Variants in PTPRU observed in about 807,000 individuals in gnomAD.
The protein encoded by PTPRU is receptor-type tyrosine-protein phosphatase U.
In PTPRU, 69 loss-of-function variants were observed where a neutral mutation model predicts 166.3. The ratio of observed to expected loss-of-function variants is 0.41; its 90% CI spans 0.34 to 0.51. The LOEUF is 0.51. PTPRU is among the 20% of genes least tolerant of loss of function. The pLI is 0.09. For missense variants in PTPRU, 1,657 were observed against 2,013.7 expected (o/e 0.82, Z 3.39); for synonymous variants, 793 against 814.0 (o/e 0.97, Z 0.44).
intron 18 of PTPRU, among the ~76,000 whole-genome samples, chr1:29,309,076 A>G (rs920044908): frequency 1.3e-5 from 2 of 152,166 alleles, no homozygotes; most frequent in Non-Finnish European, 2.9e-5. Context: ...GTCATTAGTC[A>G]CTTTGACTAT....
In PTPRU at chr1:29,311,703, C is replaced by T. The variant is rs1159361871; in HGVS notation, c.3016C>T (p.Leu1006=). The T allele has an allele frequency of 1.2e-6, 2 of 1,614,218 alleles. No individual in the cohort carries two copies. Among genetic ancestry groups the T allele is most frequent in the Non-Finnish European group, 1.7e-6 (2 of 1,180,030 alleles). The change falls in exon 21 of 30, where the codon CTG becomes TTG. Residue 1006 remains leucine (L), a synonymous_variant. Transcript: ENST00000373779. The surrounding 1 kb of genome is among the most constrained non-coding windows in gnomAD (Gnocchi z 4.1). ...CACCTACGGGGACATCAAGATTATG[C>T]TGGTGAAGACAGAGACCCTGGCTGA... ...SDTYGDIKIM[L]VKTETLAEYV...
At chr1:29,306,338 C>T (rs115709800) in intron 18 of PTPRU, among the ~76,000 whole-genome samples, 23 of 152,316 alleles carry the variant, frequency 1.5e-4, no homozygotes, top group Non-Finnish European at 1.6e-4. Flanking sequence ...CATTTAATCA[C>T]GTATGAAATA....
intron 1 of PTPRU, among the ~76,000 whole-genome samples, chr1:29,252,327 G>A (rs559555734): frequency 1.3e-5 from 2 of 151,470 alleles, no homozygotes; most frequent in African/African-American, 4.8e-5. Flanking sequence ...GAGTGCAGGG[G>A]TACCATCTCA....
chr1:29,267,853 C>CT (rs2151947998), intron 7 of PTPRU, among the ~76,000 whole-genome samples: 2 of 152,256 alleles, frequency 1.3e-5, no homozygotes, highest in South Asian at 4.1e-4. Context: ...AGGGAGGAGG[C>CT]TACTGCAATG....
Position 29,279,498 on chromosome 1 carries a change from G to T in PTPRU, c.1606G>T (p.Val536Leu), listed in dbSNP as rs201821547. 6.2e-7 allele frequency: 1 copy of T among 1,614,184 alleles called. No individual in the cohort carries two copies. The highest frequency in any genetic ancestry group is 1.3e-5 in the African/African-American group (1 of 75,054). The stretch of plus-strand genomic sequence containing the variant: ...CGAGTCATCAGACCCGGCAGTGAAC[G>T]TGCCAGGCCCACGACGTACCATCTC... ...SIESSDPAVNVPGPRRTISKL... is the reference protein window; with the variant it reads ...SIESSDPAVNLPGPRRTISKL... The change falls in exon 10 of 30, where the codon GTG becomes TTG. Residue 536 changes from valine (V) to leucine (L), a missense_variant. Physicochemically the swap from Val to Leu is conservative, Grantham distance 32. Transcript: ENST00000373779. The surrounding 1 kb of genome is among the most constrained non-coding windows in gnomAD (Gnocchi z 5.2).
At chr1:29,322,006 G>C (rs1688182728) in intron 26 of PTPRU, among the ~76,000 whole-genome samples, 1 of 152,356 alleles carries the variant, frequency 6.6e-6, no homozygotes, top group South Asian at 2.1e-4. Context: ...GGCCCAGGGG[G>C]CTAGGAAGAT....
intron 7 of PTPRU, among the ~76,000 whole-genome samples, chr1:29,264,214 T>A (rs959163519): frequency 6.6e-6 from 1 of 152,010 alleles, no homozygotes; most frequent in African/African-American, 2.4e-5. Flanking sequence ...GGACACTAGA[T>A]GCTTATCAGA....
At position 29,236,703 on chromosome 1, in the gene PTPRU, C is replaced by T; in HGVS notation, c.59C>T (p.Thr20Ile). 6.8e-7 allele frequency: 1 copy of T among 1,462,698 alleles called. No individual in the cohort carries two copies. The highest frequency in any genetic ancestry group is 9.0e-7 in the Non-Finnish European group (1 of 1,108,930). The allele number at this position is 1,462,698 out of a possible 1,614,324, so 90.6% of individuals were successfully genotyped here. The change falls in exon 1 of 30, where the codon ACC becomes ATC. Residue 20 changes from threonine (T) to isoleucine (I), a missense_variant. By Grantham distance (89) the Thr-to-Ile change is moderately conservative (BLOSUM62 -1). This residue lies in a region of PTPRU where 453 missense variants were observed against 496.9 expected (regional missense o/e 0.91). Coordinates refer to ENST00000373779, the MANE Select transcript of PTPRU (RefSeq NM_133178.4). This position sits in a 1 kb window ranked among gnomAD's most constrained non-coding sequence, Gnocchi z 4.6. Reference sequence around the variant, plus strand: ...ACCTTCCAGCTCTGCGCGCCGGAGACCGAGACTCCGGCAGGTAAGCGCGCG... The same window carrying T: ...ACCTTCCAGCTCTGCGCGCCGGAGATCGAGACTCCGGCAGGTAAGCGCGCG... ...ALTFQLCAPE[T>I]ETPAAGCTFE...
At chr1:29,323,584 G>C in intron 27 of PTPRU, 47 bp from the exon 28 acceptor site, 1 of 1,612,338 alleles carries the variant, frequency 6.2e-7, no homozygotes, top group Non-Finnish European at 8.5e-7. Context: ...GGGGCCCCTG[G>C]GACCCTGGTG....
In PTPRU at chr1:29,279,684, C is replaced by T. The variant is rs539142652; in HGVS notation, c.1765+27C>T. 5.6e-6 allele frequency: 9 copies of T among 1,604,578 alleles called. No homozygotes were observed. The East Asian group carries it at 2.0e-4, about 36-fold the overall frequency. ...TGAGCCCCACCTGACCCGGCCCAGC[C>T]TCTTCGGAGGTGGCCCAGAATCCCA... On this transcript the variant is annotated intron_variant, in intron 10 of 29. Coordinates refer to ENST00000373779, the MANE Select transcript of PTPRU (RefSeq NM_133178.4). The surrounding 1 kb of genome is among the most constrained non-coding windows in gnomAD (Gnocchi z 5.2).
chr1:29,303,670 T>C (rs11590573), intron 15 of PTPRU, among the ~76,000 whole-genome samples, 185 bp from the exon 16 acceptor site: 36,038 of 152,050 alleles, frequency 0.24, 5,203 homozygotes, highest in East Asian at 0.63. Context: ...AACCGAGATT[T>C]GGAGGGAGGG....
In PTPRU at chr1:29,291,865, C is replaced by T. The variant is rs1377670479; in HGVS notation, c.2319-4C>T. On this transcript the variant is annotated splice_region_variant and splice_polypyrimidine_tract_variant and intron_variant, in intron 14 of 29. Coordinates refer to ENST00000373779, the MANE Select transcript of PTPRU (RefSeq NM_133178.4). The surrounding 1 kb of genome is among the most constrained non-coding windows in gnomAD (Gnocchi z 4.1). ...CTGTGTCTCCCCTCAACCCCCCTCTCCAGGAAGCCGGTGAACATGACCAAG... is the reference window on the plus strand; with the variant it reads ...CTGTGTCTCCCCTCAACCCCCCTCTTCAGGAAGCCGGTGAACATGACCAAG... The T allele has an allele frequency of 1.2e-6, 2 of 1,613,540 alleles. No individual in the cohort carries two copies. Among genetic ancestry groups the T allele is most frequent in the Admixed American group, 1.7e-5 (1 of 59,932 alleles).
At chr1:29,284,311 A>T (rs973662431) in intron 13 of PTPRU, among the ~76,000 whole-genome samples, 8 of 152,098 alleles carry the variant, frequency 5.3e-5, no homozygotes, top group African/African-American at 1.9e-4. Context: ...GCCCTGTGCT[A>T]TAGGTATCTT....
At chr1:29,288,742 G>A (rs1275723785) in intron 14 of PTPRU, among the ~76,000 whole-genome samples, 1 of 152,164 alleles carries the variant, frequency 6.6e-6, no homozygotes, top group Non-Finnish European at 1.5e-5. Flanking sequence ...GAGCCTGGGA[G>A]GGGAGCACAG....
At chr1:29,244,277 C>T (rs1404313059) in intron 1 of PTPRU, among the ~76,000 whole-genome samples, 1 of 152,092 alleles carries the variant, frequency 6.6e-6, no homozygotes, top group East Asian at 1.9e-4. Flanking sequence ...CAGCTGAGGC[C>T]TGGGGGACCA....
At chr1:29,301,016 T>C (rs527818111) in intron 15 of PTPRU, among the ~76,000 whole-genome samples, 1 of 148,408 alleles carries the variant, frequency 6.7e-6, no homozygotes, top group South Asian at 2.2e-4. Context: ...GGAGGAGGAG[T>C]TTTGGAGGGA....
chr1:29,306,302 A>G (rs1687388046), intron 18 of PTPRU, among the ~76,000 whole-genome samples: 1 of 152,218 alleles, frequency 6.6e-6, no homozygotes, highest in Non-Finnish European at 1.5e-5. Flanking sequence ...CCTAATCCCT[A>G]CAGCAAACCA....
At chr1:29,305,611 G>A (rs781099848) in intron 18 of PTPRU, 183 bp downstream of exon 18, 1 of 776,576 alleles carries the variant, frequency 1.3e-6, no homozygotes, top group Non-Finnish European at 2.3e-6. Context: ...GCAGCTTCTG[G>A]AAGGCTTTCT....
At chr1:29,319,849 C>T (rs1452156688) in intron 25 of PTPRU, among the ~76,000 whole-genome samples, 1 of 151,284 alleles carries the variant, frequency 6.6e-6, no homozygotes, top group Non-Finnish European at 1.5e-5. Context: ...GGAGGGGGGA[C>T]ATGGCACAGG....
Sources: gnomAD v4.1 joint callset for allele counts (sites outside exome capture counted in the v4.1 genomes callset) on GRCh38, gnomAD v4.1.1 for gene constraint, gnomAD v4.1.1 regional missense constraint, Gnocchi (gnomAD v3.1) non-coding constraint, MANE v1.5 for transcripts, NCBI Gene and HGNC (gene_info 2026-07-23, HGNC 2026-07-21) for gene names.